IFT74: variants seen among roughly 807,000 people sequenced by gnomAD.
The protein encoded by IFT74 is intraflagellar transport 74.
In IFT74, 92 loss-of-function variants were observed where a neutral mutation model predicts 96.7. That is an observed-to-expected ratio of 0.95 (90% CI 0.80 to 1.13). The LOEUF (loss-of-function observed/expected upper bound fraction) is 1.13, where lower values mean the gene tolerates loss of function less well. IFT74 is among the 50% of genes most tolerant of loss of function. The pLI is 0.00. For missense variants in IFT74, 811 were observed against 698.2 expected, an observed-to-expected ratio of 1.16 and a Z score of -1.82; for synonymous variants, 223 against 213.2, an observed-to-expected ratio of 1.05 and a Z score of -0.40.
At chr9:26,972,992 G>A (rs929396683) in intron 2 of IFT74, among the ~76,000 whole-genome samples, 6 of 152,122 alleles carry the variant, frequency 3.9e-5, no homozygotes, top group Non-Finnish European at 5.9e-5. Context: ...TCTGATACTC[G>A]TTCTAGAATT....
chr9:27,023,305 T>A (rs962886099), intron 12 of IFT74, among the ~76,000 whole-genome samples: 8 of 152,238 alleles, frequency 5.3e-5, no homozygotes, highest in African/African-American at 1.9e-4. Flanking sequence ...TTGTCATAGA[T>A]AGCTTTTATT....
chr9:27,026,229 A>G (rs1475019743), intron 12 of IFT74, among the ~76,000 whole-genome samples: 1 of 152,240 alleles, frequency 6.6e-6, no homozygotes, highest in Non-Finnish European at 1.5e-5. Flanking sequence ...ATTGAAAAAG[A>G]CAAAGAAGGA....
chr9:26,998,746 G>A (rs992766881), intron 8 of IFT74, among the ~76,000 whole-genome samples: 16 of 152,104 alleles, frequency 1.1e-4, no homozygotes, highest in African/African-American at 3.4e-4. Context: ...CACTTTGGGA[G>A]GCTGAGGCAG....
intron 2 of IFT74, among the ~76,000 whole-genome samples, chr9:26,972,659 A>G (rs1399269772): frequency 6.6e-6 from 1 of 152,190 alleles, no homozygotes; most frequent in Non-Finnish European, 1.5e-5. Context: ...TTTAGTGAGT[A>G]TGAGTCAATC....
chr9:26,980,908 T>C (rs1827347368), intron 4 of IFT74, among the ~76,000 whole-genome samples: 1 of 152,194 alleles, frequency 6.6e-6, no homozygotes, highest in South Asian at 2.1e-4. Context: ...TATAATAAAA[T>C]ACCTGAGATT....
At chr9:27,036,971 C>T (rs1185469241) in intron 13 of IFT74, among the ~76,000 whole-genome samples, 2 of 152,120 alleles carry the variant, frequency 1.3e-5, no homozygotes, top group Non-Finnish European at 2.9e-5. Flanking sequence ...GTAATCCCAG[C>T]ACTTTGGGAG....
intron 10 of IFT74, 149 bp downstream of exon 10, chr9:27,012,117 C>T (rs1829109048): frequency 2.0e-6 from 1 of 496,192 alleles, no homozygotes; most frequent in East Asian, 3.3e-5. Context: ...TCTGGACCCA[C>T]AAAGATCCTA....
chr9:27,012,611 T>G (rs1446285899), intron 10 of IFT74, among the ~76,000 whole-genome samples: 1 of 152,080 alleles, frequency 6.6e-6, no homozygotes, highest in Non-Finnish European at 1.5e-5. Context: ...TGTAAAAACT[T>G]ACTTTTTTTA....
intron 13 of IFT74, among the ~76,000 whole-genome samples, chr9:27,033,354 T>G (rs1391162543): frequency 6.6e-6 from 1 of 151,944 alleles, no homozygotes; most frequent in Non-Finnish European, 1.5e-5. Context: ...GCTCAGAAGT[T>G]CGAGACCAGC....
At chr9:26,996,425 C>A in intron 8 of IFT74, 1 of 1,605,978 alleles carries the variant, frequency 6.2e-7, no homozygotes, top group South Asian at 1.1e-5. Flanking sequence ...TGGCATTCAG[C>A]CTTATGAGGT....
intron 18 of IFT74, among the ~76,000 whole-genome samples, chr9:27,056,932 A>G (rs151190261): frequency 2.0e-5 from 3 of 152,244 alleles, no homozygotes. Context: ...TTATGCATAT[A>G]CTTAGGTACA....
At chr9:27,001,221 G>A (rs1828468203) in intron 8 of IFT74, among the ~76,000 whole-genome samples, 1 of 152,004 alleles carries the variant, frequency 6.6e-6, no homozygotes, top group African/African-American at 2.4e-5. Flanking sequence ...GGGCACTTAG[G>A]TTGATTCCAT....
rs1417718039 is a variant in IFT74 at position 27,063,689 on chromosome 9, A to G, written c.*953A>G. The stretch of plus-strand genomic sequence containing the variant: ...TCTACTTTTCAGTATTTCTGAAACA[A>G]CACATTGATTTCTTAAACCAAAATA... On this transcript the variant is annotated 3_prime_UTR_variant, in exon 20 of 20. Coordinates refer to ENST00000380062, the MANE Select transcript of IFT74 (RefSeq NM_025103.4). Among the ~76,000 whole-genome samples the G allele has an allele frequency of 6.6e-6, 1 of 152,166 alleles. No individual in the cohort carries two copies. The highest frequency in any genetic ancestry group is 2.4e-5 in the African/African-American group (1 of 41,456).
At chr9:26,999,120 C>A (rs1828334593) in intron 8 of IFT74, among the ~76,000 whole-genome samples, 1 of 151,954 alleles carries the variant, frequency 6.6e-6, no homozygotes, top group African/African-American at 2.4e-5. Flanking sequence ...AGAAATGGAG[C>A]CAGGTATTGA....
At chr9:27,003,204 T>C (rs1412627780) in intron 8 of IFT74, among the ~76,000 whole-genome samples, 3 of 151,270 alleles carry the variant, frequency 2.0e-5, no homozygotes, top group African/African-American at 7.3e-5. Context: ...ATTTAGGGTT[T>C]GTTTTTTTTT....
intron 4 of IFT74, among the ~76,000 whole-genome samples, chr9:26,982,809 C>T (rs1283267140): frequency 6.6e-6 from 1 of 152,088 alleles, no homozygotes; most frequent in African/African-American, 2.4e-5. Flanking sequence ...CCAGGCTAGT[C>T]TTGAACTCCT....
intron 8 of IFT74, among the ~76,000 whole-genome samples, chr9:27,008,798 G>A (rs1248164391): frequency 6.6e-6 from 1 of 152,088 alleles, no homozygotes; most frequent in Non-Finnish European, 1.5e-5. Context: ...AGGAATTTAG[G>A]GATGGAGAAG....
At chr9:26,995,581 A>G (rs1055421034) in intron 8 of IFT74, 4 of 1,600,708 alleles carry the variant, frequency 2.5e-6, no homozygotes, top group Non-Finnish European at 3.4e-6. Flanking sequence ...ATCCATCATC[A>G]TCTACCACAA....
chr9:26,960,970 CA>C (rs1322653379), intron 1 of IFT74, among the ~76,000 whole-genome samples: 2 of 149,148 alleles, frequency 1.3e-5, no homozygotes, highest in Non-Finnish European at 3.0e-5. Context: ...GAACTAGGTA[CA>C]AAAGACTTTA....
Sources: gnomAD v4.1 joint callset for allele counts (sites outside exome capture counted in the v4.1 genomes callset) on GRCh38, gnomAD v4.1.1 for gene constraint, MANE v1.5 for transcripts, NCBI Gene and HGNC (gene_info 2026-07-23, HGNC 2026-07-21) for gene names.